Variants in TENM2 observed in about 807,000 individuals in gnomAD.
TENM2 encodes teneurin-2.
Under a neutral mutation model 245.2 loss-of-function variants are expected in TENM2, and 52 were observed. That is an observed-to-expected ratio of 0.21 (90% CI 0.17 to 0.27). TENM2 has a LOEUF of 0.27. Among genes scored for constraint, TENM2 ranks in the 10% least tolerant of loss-of-function variants. The pLI is 1.00. For missense variants in TENM2, 3,046 were observed against 3,666.8 expected (o/e 0.83, Z 4.37); for synonymous variants, 1,363 against 1,438.9 (o/e 0.95, Z 1.19).
chr5:167,035,726 T>C, the TENM2 span, among the ~76,000 whole-genome samples: 1 of 152,120 alleles, frequency 6.6e-6, no homozygotes, highest in Non-Finnish European at 1.5e-5. Context: ...AAGCACATGA[T>C]GAATTGATGA....
At chr5:167,196,812 A>G in the TENM2 span, among the ~76,000 whole-genome samples, 26 of 151,916 alleles carry the variant, frequency 1.7e-4, no homozygotes, top group African/African-American at 6.3e-4. Flanking sequence ...AGTATACTAG[A>G]GGATGCGTGT....
intron 2 of TENM2, among the ~76,000 whole-genome samples, chr5:167,758,005 C>T (rs761902736): frequency 9.9e-5 from 15 of 152,148 alleles, no homozygotes; most frequent in Non-Finnish European, 2.2e-4. Context: ...CCACAGTTTG[C>T]CTTCATGCAT....
At chr5:167,078,834 C>G in the TENM2 span, among the ~76,000 whole-genome samples, 1 of 152,128 alleles carries the variant, frequency 6.6e-6, no homozygotes, top group African/African-American at 2.4e-5. Flanking sequence ...CAATACAATA[C>G]AACTCTTGCC....
the TENM2 span, among the ~76,000 whole-genome samples, chr5:167,179,951 G>A: frequency 6.6e-6 from 1 of 152,122 alleles, no homozygotes; most frequent in African/African-American, 2.4e-5. Flanking sequence ...AGCAGACGTG[G>A]AGGATATTCA....
chr5:168,127,351 A>G (rs1419971538), intron 12 of TENM2, among the ~76,000 whole-genome samples: 3 of 152,164 alleles, frequency 2.0e-5, no homozygotes, highest in Non-Finnish European at 1.5e-5. Context: ...CTTGCTGGCA[A>G]CAAGGTGAAC....
chr5:167,929,102 AAAG>A, intron 3 of TENM2, among the ~76,000 whole-genome samples: 2 of 142,144 alleles, frequency 1.4e-5, no homozygotes, highest in Non-Finnish European at 1.5e-5. Flanking sequence ...AGAAAGAAAG[AAAG>A]AAAGAAAGAA....
chr5:167,148,872 T>A, the TENM2 span, among the ~76,000 whole-genome samples: 1 of 152,190 alleles, frequency 6.6e-6, no homozygotes, highest in East Asian at 1.9e-4. Context: ...ATAAATGAAT[T>A]TATCCTCTTA....
intron 2 of TENM2, among the ~76,000 whole-genome samples, chr5:167,616,961 T>C (rs1354279989): frequency 6.6e-6 from 1 of 152,156 alleles, no homozygotes; most frequent in East Asian, 1.9e-4. Context: ...ATTTTGCATG[T>C]CTACCTCTCT....
intron 12 of TENM2, 79 bp downstream of exon 14, chr5:168,127,045 A>G (rs1795903840): frequency 8.2e-7 from 1 of 1,222,498 alleles, no homozygotes; most frequent in South Asian, 1.4e-5. Flanking sequence ...CTTCAGGGAC[A>G]CAAGTGCTCT....
intron 2 of TENM2, among the ~76,000 whole-genome samples, chr5:167,405,510 T>G (rs183427052): frequency 6.6e-6 from 1 of 152,180 alleles, no homozygotes; most frequent in East Asian, 1.9e-4. Flanking sequence ...AATATGAGCC[T>G]TCCCAAGGAG....
At chr5:168,113,005 CTT>C (rs1794800766) in intron 9 of TENM2, among the ~76,000 whole-genome samples, 2 of 152,214 alleles carry the variant, frequency 1.3e-5, no homozygotes, top group South Asian at 4.1e-4. Flanking sequence ...TTTCACCTCT[CTT>C]TTCCAAAGAA....
chr5:167,617,737 G>A (rs1408028564), intron 2 of TENM2, among the ~76,000 whole-genome samples: 2 of 152,106 alleles, frequency 1.3e-5, no homozygotes, highest in African/African-American at 2.4e-5. Context: ...GTCTTCACGG[G>A]CATTTAACTG....
At chr5:167,303,560 G>A (rs1755487607) in intron 1 of TENM2, among the ~76,000 whole-genome samples, 1 of 152,076 alleles carries the variant, frequency 6.6e-6, no homozygotes, top group Non-Finnish European at 1.5e-5. Context: ...GCAGGAACAG[G>A]CCATTTTCAT....
the TENM2 span, among the ~76,000 whole-genome samples, chr5:167,008,678 A>C: frequency 6.6e-6 from 1 of 151,876 alleles, no homozygotes; most frequent in African/African-American, 2.4e-5. Flanking sequence ...TCCATTTGTC[A>C]TTTGTTTGGA....
chr5:167,861,588 G>A (rs1388258342), intron 2 of TENM2, among the ~76,000 whole-genome samples: 2 of 152,188 alleles, frequency 1.3e-5, no homozygotes, highest in Admixed American at 6.5e-5. Flanking sequence ...TGAAGATGGG[G>A]CAGGCTCTGG....
At chr5:167,970,516 T>G (rs767406540) in intron 4 of TENM2, among the ~76,000 whole-genome samples, 11 of 152,206 alleles carry the variant, frequency 7.2e-5, no homozygotes, top group Non-Finnish European at 1.6e-4. Flanking sequence ...CAGTTTTGCC[T>G]TATCAAGTTG....
At chr5:167,923,502 C>T (rs898557675) in intron 3 of TENM2, among the ~76,000 whole-genome samples, 1 of 152,130 alleles carries the variant, frequency 6.6e-6, no homozygotes, top group Admixed American at 6.5e-5. Flanking sequence ...CTCAGAACCT[C>T]CGCCGCTGAG....
chr5:168,129,684 A>G (rs1022300114), intron 12 of TENM2: 2 of 152,166 alleles, frequency 1.3e-5, no homozygotes, highest in Non-Finnish European at 2.9e-5. Flanking sequence ...TAGCTTTTCT[A>G]TCTCCGGCCC....
chr5:167,239,466 C>T, the TENM2 span, among the ~76,000 whole-genome samples: 30 of 152,194 alleles, frequency 2.0e-4, no homozygotes, highest in Non-Finnish European at 3.8e-4. Flanking sequence ...TCCTCCAAGA[C>T]ACCTAACATA....
Sources: allele counts gnomAD v4.1 joint callset (sites outside exome capture counted in the v4.1 genomes callset), GRCh38; gene constraint gnomAD v4.1.1; transcripts MANE v1.5; gene names NCBI Gene and HGNC (gene_info 2026-07-23, HGNC 2026-07-21).